Variants in ADGRL4 observed in about 807,000 individuals in gnomAD.
ADGRL4 encodes EGF, latrophilin and seven transmembrane domain containing 1.
A neutral mutation model predicts 74.8 loss-of-function variants in ADGRL4; 90 were observed. The ratio of observed to expected loss-of-function variants is 1.20; its 90% CI spans 1.02 to 1.43. The LOEUF is 1.43. Ranked by LOEUF, ADGRL4 falls within the 40% of genes most tolerant of loss-of-function variation. The probability of loss-of-function intolerance (pLI) is 0.00; values close to 1 mark genes in which losing one functional copy is unlikely to be tolerated. For missense variants in ADGRL4, 881 were observed against 814.3 expected (o/e 1.08, Z -1.00); for synonymous variants, 311 against 279.2 (o/e 1.11, Z -1.14).
chr1:78,894,204 A>C (rs971514971), intron 12 of ADGRL4, among the ~76,000 whole-genome samples: 10 of 151,866 alleles, frequency 6.6e-5, no homozygotes, highest in African/African-American at 2.4e-4. Flanking sequence ...CTATCTTCTA[A>C]TGAGTTTTAT....
At chr1:78,925,287 T>C (rs1054036571) in intron 8 of ADGRL4, among the ~76,000 whole-genome samples, 2 of 152,082 alleles carry the variant, frequency 1.3e-5, no homozygotes, top group African/African-American at 4.8e-5. Context: ...AGTTTCCTCA[T>C]CTATAAAATG....
chr1:78,928,674 T>A (rs1649169488), intron 7 of ADGRL4, among the ~76,000 whole-genome samples: 1 of 151,544 alleles, frequency 6.6e-6, no homozygotes, highest in African/African-American at 2.4e-5. Flanking sequence ...ATTTACACAG[T>A]GCAAATAACT....
In ADGRL4 at chr1:78,918,552, A is replaced by C. The variant is rs571313416; in HGVS notation, c.1462-502T>G. Among the ~76,000 whole-genome samples, 3 of 152,038 alleles carry C rather than the reference A, an allele frequency of 2.0e-5. No individual in the cohort carries two copies. The South Asian group carries it at 6.2e-4, about 31-fold the overall frequency. On this transcript the variant is annotated intron_variant, in intron 10 of 14. Coordinates refer to ENST00000370742, the MANE Select transcript of ADGRL4 (RefSeq NM_022159.4). ...AATATATTTCATCAAAATATCCATTACAGAATTACTTTCAACTGTTAAGAT... is the reference window on the plus strand; with the variant it reads ...AATATATTTCATCAAAATATCCATTCCAGAATTACTTTCAACTGTTAAGAT...
intron 8 of ADGRL4, among the ~76,000 whole-genome samples, 168 bp from the exon 9 acceptor site, chr1:78,921,954 C>T (rs947440831): frequency 4.6e-5 from 7 of 151,958 alleles, no homozygotes; most frequent in Non-Finnish European, 1.0e-4. Context: ...ATTTATATTG[C>T]AACAATGCTG....
At chr1:79,001,781 A>G (rs1039678655) in intron 2 of ADGRL4, among the ~76,000 whole-genome samples, 1 of 152,144 alleles carries the variant, frequency 6.6e-6, no homozygotes, top group African/African-American at 2.4e-5. Flanking sequence ...TATGAAGGGG[A>G]TACGATAAAT....
intron 2 of ADGRL4, among the ~76,000 whole-genome samples, chr1:78,989,816 T>C (rs895304962): frequency 6.6e-6 from 1 of 151,972 alleles, no homozygotes; most frequent in Non-Finnish European, 1.5e-5. Flanking sequence ...GCTGGGGTTA[T>C]AACTAAGTCC....
In ADGRL4 at chr1:78,990,718, A is replaced by G. The variant is rs181683123; in HGVS notation, c.172+14352T>C. On this transcript the variant is annotated intron_variant, in intron 2 of 14. Coordinates refer to ENST00000370742, the MANE Select transcript of ADGRL4 (RefSeq NM_022159.4). Reference sequence around the variant, plus strand: ...TCCATTGGAAACTGCTGCAGCGAACATAACATTAGTTGAAGAAGCATAACA... The same window carrying G: ...TCCATTGGAAACTGCTGCAGCGAACGTAACATTAGTTGAAGAAGCATAACA... Among the ~76,000 whole-genome samples, 79 of 152,104 alleles carry G rather than the reference A, an allele frequency of 5.2e-4. 1 individual carries two copies. In the East Asian group the frequency reaches 0.013, roughly 24 times the overall value.
intron 2 of ADGRL4, among the ~76,000 whole-genome samples, chr1:78,974,928 C>T (rs1650246721): frequency 6.6e-6 from 1 of 152,116 alleles, no homozygotes; most frequent in African/African-American, 2.4e-5. Flanking sequence ...TTCCCTCTTG[C>T]CATGTAACAT....
chr1:78,908,039 C>T (rs185531864), intron 12 of ADGRL4, among the ~76,000 whole-genome samples: 34 of 152,130 alleles, frequency 2.2e-4, no homozygotes, highest in Non-Finnish European at 1.5e-5. Flanking sequence ...GCCACGCAGA[C>T]TGTCCATTCT....
intron 7 of ADGRL4, among the ~76,000 whole-genome samples, chr1:78,934,646 T>G (rs1183933077): frequency 6.6e-6 from 1 of 152,070 alleles, no homozygotes; most frequent in Non-Finnish European, 1.5e-5. Flanking sequence ...ATTTTCACAA[T>G]CTATCCATCT....
intron 2 of ADGRL4, among the ~76,000 whole-genome samples, chr1:78,978,412 C>A (rs1157353060): frequency 6.6e-6 from 1 of 151,922 alleles, no homozygotes; most frequent in Admixed American, 6.6e-5. Context: ...GGCATCACCT[C>A]TGTCCACAAG....
chr1:78,971,887 C>T (rs1650176851), intron 2 of ADGRL4, among the ~76,000 whole-genome samples: 1 of 152,112 alleles, frequency 6.6e-6, no homozygotes, highest in Non-Finnish European at 1.5e-5. Flanking sequence ...TCCCGAGTAG[C>T]TGGGATTACA....
chr1:78,967,059 G>T (rs1408643378), intron 2 of ADGRL4, among the ~76,000 whole-genome samples: 3 of 152,054 alleles, frequency 2.0e-5, no homozygotes, highest in Non-Finnish European at 4.4e-5. Context: ...TGGCCTAAAG[G>T]AAGACAAGTG....
At chr1:79,002,861 C>T (rs1287777918) in intron 2 of ADGRL4, among the ~76,000 whole-genome samples, 1 of 151,982 alleles carries the variant, frequency 6.6e-6, no homozygotes. Context: ...TAAATAAATT[C>T]ACTACGATTA....
intron 12 of ADGRL4, among the ~76,000 whole-genome samples, chr1:78,911,918 G>C (rs1472571921): frequency 6.6e-6 from 1 of 151,880 alleles, no homozygotes; most frequent in African/African-American, 2.4e-5. Flanking sequence ...AATAGCTTCA[G>C]AGAGATCACT....
At chr1:78,974,062 C>T (rs1423823545) in intron 2 of ADGRL4, among the ~76,000 whole-genome samples, 1 of 152,158 alleles carries the variant, frequency 6.6e-6, no homozygotes, top group Admixed American at 6.6e-5. Flanking sequence ...GCACCCCACG[C>T]AAGCCTGTAC....
chr1:78,936,302 A>C lies in ADGRL4; in HGVS notation c.870T>G (p.Asp290Glu), dbSNP rs778127673. 1.9e-5 allele frequency: 31 copies of C among 1,592,202 alleles called. No individual in the cohort carries two copies. The highest frequency in any genetic ancestry group is 2.6e-5 in the Non-Finnish European group (31 of 1,172,310). The change falls in exon 7 of 15, where the codon GAT becomes GAG. Residue 290 changes from aspartate to glutamate, a missense_variant. Asp to Glu is a conservative substitution (Grantham distance 45, BLOSUM62 2). Coordinates refer to ENST00000370742, the MANE Select transcript of ADGRL4 (RefSeq NM_022159.4). The part of the protein sequence containing the change: ...NIFPKRKAAY[D>E]SNGNVAVAFV... ...AGATTGTTAAAGTCCTACCATTTGA[A>C]TCATATGCAGCTTTTCTCTTTGGAA...
At chr1:78,914,938 C>T (rs1648838952) in intron 12 of ADGRL4, among the ~76,000 whole-genome samples, 1 of 151,824 alleles carries the variant, frequency 6.6e-6, no homozygotes, top group Admixed American at 6.6e-5. Context: ...AAGAGACAGT[C>T]TTCACTTTGA....
chr1:78,938,691 A>C (rs1347419543), intron 4 of ADGRL4, among the ~76,000 whole-genome samples: 1 of 152,078 alleles, frequency 6.6e-6, no homozygotes, highest in Non-Finnish European at 1.5e-5. Context: ...AACCAAAGAA[A>C]ATTCTTTACA....
Sources: gnomAD v4.1 joint callset for allele counts (sites outside exome capture counted in the v4.1 genomes callset) on GRCh38, gnomAD v4.1.1 for gene constraint, MANE v1.5 for transcripts, NCBI Gene and HGNC (gene_info 2026-07-23, HGNC 2026-07-21) for gene names.